PRAMEF15: variants seen among roughly 807,000 people sequenced by gnomAD.
PRAMEF15 encodes PRAME family member 9/15.
PRAMEF15 carries 21 observed loss-of-function variants against 35.3 expected under a neutral mutation model. The ratio of observed to expected loss-of-function variants is 0.59; its 90% confidence interval spans 0.42 to 0.86. PRAMEF15 has a LOEUF of 0.86. PRAMEF15 is among the 40% of genes least tolerant of loss of function. The pLI, the probability that PRAMEF15 is intolerant of heterozygous loss-of-function variation, is 0.00. For synonymous variants in PRAMEF15, 122 were observed against 223.3 expected, an observed-to-expected ratio of 0.55 and a Z score of 4.05; for missense variants, 360 against 574.1, an observed-to-expected ratio of 0.63 and a Z score of 3.81.
chr1:13,322,082 C>G lies in PRAMEF15; in HGVS notation c.1255C>G (p.Arg419Gly), dbSNP rs1348334487. ...ATGTGTGGAGCTGTATCCTGCCCCC[C>G]GAGAGAGTTATGGTGCTGATGGTAC... ...NLCVELYPAP[R>G]ESYGADGTLC... Residue 419 changes from arginine to glycine, a missense_variant, in exon 4 of 4, where the codon CGA (arginine) becomes GGA (glycine). By Grantham distance (125) the Arg-to-Gly change is moderately radical. This residue lies in a region of PRAMEF15 where 147 missense variants were observed against 123.5 expected (regional missense o/e 1.19). Coordinates refer to ENST00000376152, the MANE Select transcript of PRAMEF15 (RefSeq NM_001098376.3). The G allele has an allele frequency of 6.2e-6, 10 of 1,609,044 alleles. 2 individuals carry two copies. In the East Asian group the frequency reaches 1.6e-4, roughly 26 times the overall value.
Position 13,319,365 on chromosome 1 carries a change from G to C in PRAMEF15, c.294-7G>C, listed in dbSNP as rs3896788. The C allele has an allele frequency of 0.056, 89,129 of 1,586,702 alleles. 4,558 individuals are homozygous for C. The highest frequency in any genetic ancestry group is 0.25 in the East Asian group (11,166 of 44,012). The stretch of plus-strand genomic sequence containing the variant: ...AAATTCTCAGTCTCACCTCTATTTT[G>C]CCACAGGAGGTGGAAACTCCAAGTG... On this transcript the variant is annotated splice_polypyrimidine_tract_variant and splice_region_variant and intron_variant, in intron 2 of 3. Coordinates refer to ENST00000376152, the MANE Select transcript of PRAMEF15 (RefSeq NM_001098376.3).
Position 13,319,272 on chromosome 1 carries a change from G to A in PRAMEF15, c.294-100G>A, listed in dbSNP as rs1640048809. The stretch of plus-strand genomic sequence containing the variant: ...CAGAGTGAAGAAAAGTCAGAGAGAG[G>A]GACAACAAGCAGGGAGGGGAGGAGC... On this transcript the variant is annotated intron_variant, in intron 2 of 3. Coordinates refer to ENST00000376152, the MANE Select transcript of PRAMEF15 (RefSeq NM_001098376.3). 42 of 1,574,984 alleles carry A rather than the reference G, an allele frequency of 2.7e-5. No homozygotes were observed. The South Asian group carries it at 4.6e-4, about 17-fold the overall frequency.
Position 13,321,835 on chromosome 1 carries a change from C to T in PRAMEF15, c.1008C>T (p.Thr336=), listed in dbSNP as rs1270647250. The T allele has an allele frequency of 3.7e-6, 6 of 1,607,568 alleles. No individual in the cohort carries two copies. The highest frequency in any genetic ancestry group is 1.7e-4 in the Middle Eastern group (1 of 6,028). ...KTLDLSGIRL[T]NYSLVPLQIL... is the part of the protein sequence containing the mutation. ...TGGACCTGAGTGGCATCAGACTGAC[C>T]AATTATAGTCTTGTGCCTCTCCAAA... Residue 336 remains threonine (T), a synonymous_variant, in exon 4 of 4, where the codon ACC becomes ACT. Coordinates refer to ENST00000376152, the MANE Select transcript of PRAMEF15 (RefSeq NM_001098376.3).
In PRAMEF15 at chr1:13,322,176, C is replaced by G. The variant is rs1292642476; in HGVS notation, c.1349C>G (p.Pro450Arg). 6.2e-7 allele frequency: 1 copy of G among 1,608,338 alleles called. No homozygotes were observed. Among genetic ancestry groups the G allele is most frequent in the Non-Finnish European group, 8.5e-7 (1 of 1,179,080 alleles). Reference sequence around the variant, plus strand: ...AACAGAGTGAGGGACTTAAGGCACCCCAAGAGGATCTTGTTCTGTACTGAC... The same window carrying G: ...AACAGAGTGAGGGACTTAAGGCACCGCAAGAGGATCTTGTTCTGTACTGAC... ...LMNRVRDLRHPKRILFCTDYC... is the reference protein window; with the variant it reads ...LMNRVRDLRHRKRILFCTDYC... The change falls in exon 4 of 4, where the codon CCC becomes CGC. Residue 450 changes from proline (P) to arginine (R), a missense_variant. Pro to Arg is a moderately radical substitution (Grantham distance 103). Transcript: ENST00000376152.
chr1:13,321,443 G>C (rs1640082134), intron 3 of PRAMEF15, among the ~76,000 whole-genome samples: 1 of 151,766 alleles, frequency 6.6e-6, no homozygotes, highest in Admixed American at 6.6e-5. Flanking sequence ...TCAAACTCCT[G>C]ATCTCAAGGA....
At chr1:13,316,587 C>CTTG (rs1640008254) in intron 1 of PRAMEF15, among the ~76,000 whole-genome samples, 4 of 151,850 alleles carry the variant, frequency 2.6e-5, no homozygotes, top group Admixed American at 6.6e-5. Context: ...TCTTGGAGGC[C>CTTG]GAGGTAACAG....
Position 13,322,183 on chromosome 1 carries a change from G to T in PRAMEF15, c.1356G>T (p.Arg452Ser). Reference sequence around the variant, plus strand: ...TGAGGGACTTAAGGCACCCCAAGAGGATCTTGTTCTGTACTGACTACTGCC... The same window carrying T: ...TGAGGGACTTAAGGCACCCCAAGAGTATCTTGTTCTGTACTGACTACTGCC... ...NRVRDLRHPK[R>S]ILFCTDYCPD... is the part of the protein sequence containing the mutation. Residue 452 changes from arginine to serine, a missense_variant, in exon 4 of 4, where the codon AGG (arginine) becomes AGT (serine). Around this residue, in one of 8 missense-constraint regions of PRAMEF15, gnomAD observed 147 missense variants for 123.5 expected, o/e 1.19. Coordinates refer to ENST00000376152, the MANE Select transcript of PRAMEF15 (RefSeq NM_001098376.3). 1 of 1,608,750 alleles carries T rather than the reference G, an allele frequency of 6.2e-7. No individual in the cohort carries two copies. The highest frequency in any genetic ancestry group is 8.5e-7 in the Non-Finnish European group (1 of 1,179,144).
chr1:13,316,346 G>T (rs1293051158), intron 1 of PRAMEF15, among the ~76,000 whole-genome samples: 1 of 151,592 alleles, frequency 6.6e-6, no homozygotes, highest in Non-Finnish European at 1.5e-5. Context: ...AATCACTTGA[G>T]CACAGAAGAT....
In PRAMEF15 at chr1:13,322,420, G is replaced by A. The variant is rs1350305079; in HGVS notation, c.*156G>A. ...AAGGAAAGCTGATCAAGCAGGGGCCGGACTTGGGGGAAATGTTGCCATGGA... is the reference window on the plus strand; with the variant it reads ...AAGGAAAGCTGATCAAGCAGGGGCCAGACTTGGGGGAAATGTTGCCATGGA... On this transcript the variant is annotated 3_prime_UTR_variant, in exon 4 of 4. Transcript: ENST00000376152. 20 of 696,144 alleles carry A rather than the reference G, an allele frequency of 2.9e-5. No homozygotes were observed. Among genetic ancestry groups the A allele is most frequent in the South Asian group, 2.5e-4 (13 of 51,434 alleles). The allele number at this position is 696,144 out of a possible 1,614,324, so 43.1% of individuals were successfully genotyped here.
intron 1 of PRAMEF15, among the ~76,000 whole-genome samples, chr1:13,316,076 T>A (rs1428706690): frequency 6.6e-6 from 1 of 151,132 alleles, no homozygotes; most frequent in Non-Finnish European, 1.5e-5. Flanking sequence ...CTCAACTCCC[T>A]GCAACCTTTA....
chr1:13,320,294 C>T (rs1465788136), intron 3 of PRAMEF15, among the ~76,000 whole-genome samples: 3 of 152,166 alleles, frequency 2.0e-5, no homozygotes, highest in African/African-American at 4.8e-5. Flanking sequence ...GGCGGTGGCT[C>T]ATGCCTGTAA....
At chr1:13,319,318 T>C in intron 2 of PRAMEF15, 54 bp from the exon 3 acceptor site, 3 of 1,602,912 alleles carry the variant, frequency 1.9e-6, no homozygotes, top group Non-Finnish European at 2.5e-6. Flanking sequence ...GATGTGGAGT[T>C]TAAGTTCAGA....
chr1:13,320,286 C>T (rs1459971715), intron 3 of PRAMEF15, among the ~76,000 whole-genome samples: 20 of 151,998 alleles, frequency 1.3e-4, no homozygotes, highest in East Asian at 3.8e-4. Flanking sequence ...ACACCAGGGG[C>T]GGTGGCTCAT....
In PRAMEF15 at chr1:13,322,098, C is replaced by T; in HGVS notation, c.1271C>T (p.Ala424Val). 1 of 1,609,552 alleles carries T rather than the reference C, an allele frequency of 6.2e-7. No individual in the cohort carries two copies. The highest frequency in any genetic ancestry group is 2.3e-5 in the East Asian group (1 of 44,132). The change falls in exon 4 of 4, where the codon GCT becomes GTT. Residue 424 changes from alanine (A) to valine (V), a missense_variant. This residue lies in a region of PRAMEF15 where 147 missense variants were observed against 123.5 expected (regional missense o/e 1.19). Transcript: ENST00000376152. ...LYPAPRESYG[A>V]DGTLCWSRFA... The stretch of plus-strand genomic sequence containing the variant: ...CCTGCCCCCCGAGAGAGTTATGGTG[C>T]TGATGGTACTCTCTGCTGGAGCAGA...
intron 3 of PRAMEF15, 132 bp downstream of exon 3, chr1:13,320,085 T>C (rs1453301828): frequency 3.2e-6 from 5 of 1,568,376 alleles, no homozygotes; most frequent in African/African-American, 2.7e-5. Flanking sequence ...CCATGCATTG[T>C]CCTGTTGGTG....
chr1:13,320,043 A>G, intron 3 of PRAMEF15, 90 bp downstream of exon 3: 2 of 1,601,872 alleles, frequency 1.2e-6, no homozygotes, highest in African/African-American at 2.7e-5. Flanking sequence ...CCAGCCTATG[A>G]GGATGAAACA....
chr1:13,321,238 A>G (rs1372487005), intron 3 of PRAMEF15, among the ~76,000 whole-genome samples: 28 of 141,240 alleles, frequency 2.0e-4, no homozygotes, highest in African/African-American at 6.3e-4. Flanking sequence ...TTTTCAAAAC[A>G]GAGTCTCTCT....
Position 13,319,897 on chromosome 1 carries a change from A to C in PRAMEF15, c.819A>C (p.Gln273His). The change falls in exon 3 of 4, where the codon CAA (glutamine) becomes CAC (histidine). Residue 273 changes from glutamine (Q) to histidine (H), a missense_variant. This residue lies in a region of PRAMEF15 where 36 missense variants were observed against 164.8 expected (regional missense o/e 0.22). Transcript: ENST00000376152. ...TTQFLKLRCL[Q>H]KLYMNSVSFL... The stretch of plus-strand genomic sequence containing the variant: ...AGTTCCTCAAGCTGCGCTGCCTCCA[A>C]AAGCTTTATATGAACTCTGTTTCTT... 1.2e-6 allele frequency: 2 copies of C among 1,608,626 alleles called. No individual in the cohort carries two copies. Among genetic ancestry groups the C allele is most frequent in the Middle Eastern group, 1.8e-4 (1 of 5,438 alleles).
At chr1:13,320,131 AAT>A (rs1263992582) in intron 3 of PRAMEF15, among the ~76,000 whole-genome samples, 178 bp downstream of exon 3, 5 of 152,096 alleles carry the variant, frequency 3.3e-5, no homozygotes, top group African/African-American at 1.2e-4. Context: ...CAACCATCCC[AAT>A]AGAGGCAGAG....
Sources: allele counts gnomAD v4.1 joint callset (sites outside exome capture counted in the v4.1 genomes callset), GRCh38; gene constraint gnomAD v4.1.1; regional missense constraint gnomAD v4.1.1; transcripts MANE v1.5; gene names NCBI Gene and HGNC (gene_info 2026-07-23, HGNC 2026-07-21).